The following RHOBTB3 variants were observed in gnomAD, a reference collection of about 807,000 sequenced individuals.
RHOBTB3 encodes the protein rho-related BTB domain-containing protein 3.
RHOBTB3 carries 47 observed loss-of-function variants against 67.2 expected under a neutral mutation model. The observed-to-expected ratio is 0.70, with a 90% CI of 0.55 to 0.89. RHOBTB3 has a LOEUF of 0.89. Ranked by LOEUF, RHOBTB3 falls within the 40% of genes least tolerant of loss-of-function variation. The probability of loss-of-function intolerance (pLI) is 0.00; values close to 1 mark genes in which losing one functional copy is unlikely to be tolerated. For missense variants in RHOBTB3, 631 were observed against 750.0 expected (o/e 0.84, Z 1.85); for synonymous variants, 273 against 274.2 (o/e 1.00, Z 0.04).
upstream of RHOBTB3, among the ~76,000 whole-genome samples, chr5:95,728,965 C>T (rs9763677): frequency 8.4e-3 from 1,272 of 152,300 alleles, 17 homozygotes; most frequent in African/African-American, 0.029. Context: ...AATGAGTCTA[C>T]AAATGTCACG....
intron 10 of RHOBTB3, among the ~76,000 whole-genome samples, chr5:95,785,177 G>A (rs917285968): frequency 6.6e-6 from 1 of 152,206 alleles, no homozygotes; most frequent in Non-Finnish European, 1.5e-5. Flanking sequence ...GTTTATAGAA[G>A]GGAATTTATT....
chr5:95,754,677 T>C (rs1408246417), intron 5 of RHOBTB3, among the ~76,000 whole-genome samples: 1 of 152,208 alleles, frequency 6.6e-6, no homozygotes, highest in African/African-American at 2.4e-5. Context: ...TGAGGGCTCA[T>C]CTCTCTTTGT....
At chr5:95,728,655 A>C (rs574092802), upstream of RHOBTB3, among the ~76,000 whole-genome samples, 19 of 152,308 alleles carry the variant, frequency 1.2e-4, no homozygotes, top group Non-Finnish European at 2.6e-4. Flanking sequence ...AAACTAATTA[A>C]TATGTCAGAG....
intron 2 of RHOBTB3, among the ~76,000 whole-genome samples, chr5:95,735,848 C>T (rs1019391855): frequency 2.6e-5 from 4 of 152,142 alleles, no homozygotes; most frequent in Non-Finnish European, 5.9e-5. Context: ...TGCCTGTAAT[C>T]CTCACACTTT....
rs1746506666 is a variant in RHOBTB3 at position 95,794,259 on chromosome 5, A to C, written c.*1085A>C. 3.9e-6 allele frequency: 1 copy of C among 257,248 alleles called. No homozygotes were observed. The highest frequency in any genetic ancestry group is 2.2e-5 in the African/African-American group (1 of 44,974). 15.9% of individuals were successfully genotyped at this position (257,248 alleles called of 1,614,324 possible). A position where few individuals can be genotyped will look rare whatever the true frequency, so the allele number is the denominator to read the frequency against. On this transcript the variant is annotated 3_prime_UTR_variant, in exon 12 of 12. Coordinates refer to ENST00000379982, the MANE Select transcript of RHOBTB3 (RefSeq NM_014899.4). ...ACCAGGAGGTTGGTAAGAGTGACTAACCAGCCTAACTTTAATACACATGTA... is the reference window on the plus strand; with the variant it reads ...ACCAGGAGGTTGGTAAGAGTGACTACCCAGCCTAACTTTAATACACATGTA...
chr5:95,790,064 T>C lies in RHOBTB3; in HGVS notation c.1720+1206T>C, dbSNP rs556280060. ...TTAAAGAAAACCCAGGAACACACAA[T>C]CCGTTTTTGGGAGATGTATTCAGCC... On this transcript the variant is annotated intron_variant, in intron 11 of 11. Coordinates refer to ENST00000379982, the MANE Select transcript of RHOBTB3 (RefSeq NM_014899.4). Among the ~76,000 whole-genome samples the C allele has an allele frequency of 3.4e-4, 52 of 152,334 alleles. 1 individual carries two copies. In the South Asian group the frequency reaches 0.011, roughly 31 times the overall value.
At chr5:95,776,233 C>T (rs1457460571) in intron 8 of RHOBTB3, among the ~76,000 whole-genome samples, 1 of 151,854 alleles carries the variant, frequency 6.6e-6, no homozygotes, top group South Asian at 2.1e-4. Flanking sequence ...ATGGTGAAAC[C>T]CCATCCCTAT....
intron 7 of RHOBTB3, chr5:95,767,712 G>T: frequency 1.6e-6 from 1 of 638,544 alleles, no homozygotes; most frequent in South Asian, 1.7e-5. Flanking sequence ...TATTTTAGTA[G>T]GCATTTGTAT....
At chr5:95,763,470 T>C in intron 6 of RHOBTB3, 38 bp from the exon 7 acceptor site, 1 of 1,214,264 alleles carries the variant, frequency 8.2e-7, no homozygotes, top group South Asian at 1.3e-5. Flanking sequence ...ACTTCCTCAT[T>C]TAACAGAAAA....
upstream of RHOBTB3, among the ~76,000 whole-genome samples, chr5:95,728,694 A>T (rs1003468281): frequency 6.6e-6 from 1 of 152,208 alleles, no homozygotes; most frequent in African/African-American, 2.4e-5. Flanking sequence ...CTCCATCTTG[A>T]GTAGAGGCTG....
intron 8 of RHOBTB3, among the ~76,000 whole-genome samples, chr5:95,776,542 A>G (rs184529192): frequency 1.3e-5 from 2 of 152,328 alleles, no homozygotes; most frequent in East Asian, 3.9e-4. Flanking sequence ...TCTTTACTCC[A>G]GTTTTGAGCG....
upstream of RHOBTB3, among the ~76,000 whole-genome samples, chr5:95,726,224 G>T (rs1273980073): frequency 6.6e-6 from 1 of 152,110 alleles, no homozygotes; most frequent in Non-Finnish European, 1.5e-5. Context: ...GAATGCAGTT[G>T]TTTTTTTCCA....
At chr5:95,765,393 G>GT (rs1417586119) in intron 7 of RHOBTB3, among the ~76,000 whole-genome samples, 3 of 152,116 alleles carry the variant, frequency 2.0e-5, no homozygotes. Context: ...CGATTCCATG[G>GT]TATTGCGCTG....
At chr5:95,782,042 G>A (rs888614745) in intron 9 of RHOBTB3, 1 of 152,180 alleles carries the variant, frequency 6.6e-6, no homozygotes, top group Non-Finnish European at 1.5e-5. Flanking sequence ...CTAATATTAA[G>A]TTTTACCTTG....
intron 8 of RHOBTB3, chr5:95,769,902 A>G: frequency 2.9e-6 from 1 of 339,188 alleles, no homozygotes; most frequent in Non-Finnish European, 5.7e-6. Context: ...CCTTTTGAAT[A>G]GGCTAAAAGC....
At chr5:95,792,446 A>G (rs1178893808) in intron 11 of RHOBTB3, among the ~76,000 whole-genome samples, 3 of 151,574 alleles carry the variant, frequency 2.0e-5, no homozygotes, top group Admixed American at 2.0e-4. Flanking sequence ...AGTATTATAA[A>G]TGGAAAAAAA....
At position 95,767,905 on chromosome 5, in the gene RHOBTB3, A is replaced by C. The variant is rs1471954510; in HGVS notation, c.1162-141A>C. ...AGTTCTTAAAGGTAAGTTCCTTTGA[A>C]ACCTGTGATCAGAGATGTCATAGAG... On this transcript the variant is annotated intron_variant, in intron 7 of 11. Coordinates refer to ENST00000379982, the MANE Select transcript of RHOBTB3 (RefSeq NM_014899.4). The C allele has an allele frequency of 2.5e-5, 21 of 835,350 alleles. No homozygotes were observed. In the Admixed American group the frequency reaches 4.2e-4, roughly 17 times the overall value. The allele number at this position is 835,350 out of a possible 1,614,324, so 51.7% of individuals were successfully genotyped here.
At chr5:95,726,119 G>A (rs1755046596), upstream of RHOBTB3, among the ~76,000 whole-genome samples, 1 of 152,152 alleles carries the variant, frequency 6.6e-6, no homozygotes, top group Non-Finnish European at 1.5e-5. Flanking sequence ...TAACCTTATA[G>A]TAAACTTCCC....
At chr5:95,749,029 G>A (rs1012322121) in intron 4 of RHOBTB3, among the ~76,000 whole-genome samples, 8 of 152,152 alleles carry the variant, frequency 5.3e-5, no homozygotes, top group Admixed American at 1.3e-4. Flanking sequence ...TTGCCGTGGC[G>A]CATATTGGGT....
Sources: gnomAD v4.1 joint callset for allele counts (sites outside exome capture counted in the v4.1 genomes callset) on GRCh38, gnomAD v4.1.1 for gene constraint, MANE v1.5 for transcripts, NCBI Gene and HGNC (gene_info 2026-07-23, HGNC 2026-07-21) for gene names.